Variants in ACSS3 observed in about 807,000 individuals in gnomAD.
ACSS3 encodes acyl-CoA synthetase short chain family member 3.
In ACSS3, 64 loss-of-function variants were observed where a neutral mutation model predicts 84.2. That is an observed-to-expected ratio of 0.76 (90% CI 0.62 to 0.94). The LOEUF (loss-of-function observed/expected upper bound fraction) is 0.94. Among genes scored for constraint, ACSS3 ranks in the 40% least tolerant of loss-of-function variants. The probability of loss-of-function intolerance (pLI) is 0.00; values close to 1 mark genes in which losing one functional copy is unlikely to be tolerated. For synonymous variants in ACSS3, 317 were observed against 310.1 expected, an observed-to-expected ratio of 1.02 and a Z score of -0.23; for missense variants, 815 against 867.6, an observed-to-expected ratio of 0.94 and a Z score of 0.76.
chr12:81,102,826 TA>T (rs750745980), intron 1 of ACSS3, among the ~76,000 whole-genome samples: 822 of 139,030 alleles, frequency 5.9e-3, no homozygotes, highest in Admixed American at 5.5e-3. Context: ...AGACTGCATC[TA>T]AAAAAAAAAA....
At chr12:81,133,389 A>G (rs1241988185) in intron 2 of ACSS3, among the ~76,000 whole-genome samples, 1 of 152,116 alleles carries the variant, frequency 6.6e-6, no homozygotes, top group Non-Finnish European at 1.5e-5. Flanking sequence ...CCATGCCCCT[A>G]CAGGCCCTTT....
rs372116345 is a variant in ACSS3, at chr12:81,184,185, A to G, written c.1250+9246A>G. ...GTGGAAATTAAACAACATGCTCTTG[A>G]ACAATCAATGGGTCAAAGAAGAAAT... On this transcript the variant is annotated intron_variant, in intron 8 of 15. Transcript: ENST00000548058. Among the ~76,000 whole-genome samples, 115 of 152,114 alleles carry G rather than the reference A, an allele frequency of 7.6e-4. 1 individual carries two copies. The highest frequency in any genetic ancestry group is 2.7e-3 in the African/African-American group (111 of 41,564).
intron 9 of ACSS3, among the ~76,000 whole-genome samples, chr12:81,204,936 T>G (rs539812704): frequency 2.1e-4 from 32 of 152,276 alleles, no homozygotes; most frequent in South Asian, 1.0e-3. Flanking sequence ...GAGAAAACAG[T>G]AGTCATCTAA....
intron 1 of ACSS3, among the ~76,000 whole-genome samples, chr12:81,101,763 A>G (rs1882528339): frequency 6.6e-6 from 1 of 152,074 alleles, no homozygotes. Flanking sequence ...TTTTTTTAAT[A>G]TCAAGTCAGA....
chr12:81,140,294 C>A (rs1228830195), intron 4 of ACSS3, among the ~76,000 whole-genome samples: 1 of 152,198 alleles, frequency 6.6e-6, no homozygotes, highest in Non-Finnish European at 1.5e-5. Context: ...ATTTACCGTA[C>A]TTTTCCTGTA....
rs1224095541 is a variant in ACSS3, at chr12:81,257,151, A to G, written c.*2229A>G. 2 of 152,152 alleles carry G rather than the reference A, an allele frequency of 1.3e-5. No homozygotes were observed. The highest frequency in any genetic ancestry group is 4.8e-5 in the African/African-American group (2 of 41,430). 9.4% of individuals were successfully genotyped at this position (152,152 alleles called of 1,614,324 possible). A position where few individuals can be genotyped will look rare whatever the true frequency, so the allele number is the denominator to read the frequency against. On this transcript the variant is annotated 3_prime_UTR_variant, in exon 16 of 16. Transcript: ENST00000548058. ...CTTGCACATTTTTTCTGGTAATCAA[A>G]TCTGAAGCGACATCTCAGCAAGCAG...
intron 9 of ACSS3, among the ~76,000 whole-genome samples, chr12:81,205,809 T>C (rs964141883): frequency 6.6e-6 from 1 of 152,154 alleles, no homozygotes; most frequent in African/African-American, 2.4e-5. Flanking sequence ...GGAATCAGCA[T>C]TGAGAACATT....
At chr12:81,172,782 T>C (rs2030175168) in intron 7 of ACSS3, among the ~76,000 whole-genome samples, 1 of 152,228 alleles carries the variant, frequency 6.6e-6, no homozygotes, top group Non-Finnish European at 1.5e-5. Flanking sequence ...TACTGTGTCC[T>C]CCTTGTAGGT....
At chr12:81,180,521 A>G (rs897499474) in intron 8 of ACSS3, among the ~76,000 whole-genome samples, 2 of 152,018 alleles carry the variant, frequency 1.3e-5, no homozygotes, top group Non-Finnish European at 2.9e-5. Flanking sequence ...CTGTCTGTCT[A>G]TATTTTTAAA....
Position 81,161,837 on chromosome 12 carries a change from A to C in ACSS3, c.1098+9741A>C, listed in dbSNP as rs1185381717. On this transcript the variant is annotated intron_variant, in intron 7 of 15. Coordinates refer to ENST00000548058, the MANE Select transcript of ACSS3 (RefSeq NM_024560.4). ...CAAGCGTGGGGTCCAGCCACTGCAC[A>C]CAGTCAGGCACACTGGTTGTTAATG... 2.1e-5 allele frequency among the ~76,000 whole-genome samples: 3 copies of C among 145,750 alleles called. No individual in the cohort carries two copies. In the East Asian group the frequency reaches 6.6e-4, roughly 32 times the overall value.
At chr12:81,164,041 T>C (rs1403956210) in intron 7 of ACSS3, among the ~76,000 whole-genome samples, 1 of 152,180 alleles carries the variant, frequency 6.6e-6, no homozygotes, top group Admixed American at 6.5e-5. Context: ...TGTACAATAA[T>C]GTCCTACACC....
At chr12:81,233,521 C>G in intron 13 of ACSS3, 50 bp downstream of exon 13, 7 of 1,600,422 alleles carry the variant, frequency 4.4e-6, no homozygotes, top group Non-Finnish European at 6.0e-6. Flanking sequence ...AGGCACAGAG[C>G]TGCACTGAAG....
intron 8 of ACSS3, among the ~76,000 whole-genome samples, chr12:81,184,399 A>G (rs1050717478): frequency 5.3e-5 from 8 of 151,864 alleles, no homozygotes; most frequent in Non-Finnish European, 1.0e-4. Context: ...ACGAATAAAC[A>G]ACTAACCAAA....
rs546064369 is a variant in ACSS3, at chr12:81,131,980, C to G, written c.457-2836C>G. Among the ~76,000 whole-genome samples, 4 of 152,288 alleles carry G rather than the reference C, an allele frequency of 2.6e-5. No homozygotes were observed. The South Asian group carries it at 8.3e-4, about 32-fold the overall frequency. ...CCTTGCATCGCAGGGATGAAGCCAA[C>G]TTGATCATGGTGGATTAGCTTTTTG... is the stretch of plus-strand genomic sequence containing the variant. On this transcript the variant is annotated intron_variant, in intron 2 of 15. Transcript: ENST00000548058.
chr12:81,154,567 G>C (rs74103925), intron 7 of ACSS3, among the ~76,000 whole-genome samples: 2,219 of 152,200 alleles, frequency 0.015, 53 homozygotes, highest in African/African-American at 0.051. Context: ...CTTCAACTAT[G>C]CCATCTTTAT....
At chr12:81,172,591 G>A (rs1003558459) in intron 7 of ACSS3, among the ~76,000 whole-genome samples, 38 of 151,214 alleles carry the variant, frequency 2.5e-4, no homozygotes, top group African/African-American at 8.5e-4. Context: ...AGCCAAGATT[G>A]CACCACTGCA....
At chr12:81,085,236 T>C (rs1344476068) in intron 1 of ACSS3, among the ~76,000 whole-genome samples, 4 of 152,222 alleles carry the variant, frequency 2.6e-5, no homozygotes, top group African/African-American at 7.2e-5. Context: ...AAGAAACAGG[T>C]TGCAAAAGTC....
chr12:81,166,042 G>C (rs975341486), intron 7 of ACSS3, among the ~76,000 whole-genome samples: 6 of 152,170 alleles, frequency 3.9e-5, no homozygotes, highest in Non-Finnish European at 8.8e-5. Flanking sequence ...AAATAAATTT[G>C]CCAGTGACAC....
At chr12:81,204,270 ATTCTTCCTTCCTCCTC>A (rs6144778) in intron 9 of ACSS3, among the ~76,000 whole-genome samples, 34,051 of 136,940 alleles carry the variant, frequency 0.25, 5,209 homozygotes, top group East Asian at 0.41. Context: ...ACTTTTTTCT[ATTCTTCCTTCCTCCTC>A]TTCTTCCTTC....
Sources: allele counts gnomAD v4.1 joint callset (sites outside exome capture counted in the v4.1 genomes callset), GRCh38; gene constraint gnomAD v4.1.1; transcripts MANE v1.5; gene names NCBI Gene and HGNC (gene_info 2026-07-23, HGNC 2026-07-21).